The following WWOX variants were observed in gnomAD, a reference collection of about 807,000 sequenced individuals.
The protein encoded by WWOX is WW domain-containing oxidoreductase.
A neutral mutation model predicts 46.2 loss-of-function variants in WWOX; 69 were observed. That is an observed-to-expected ratio of 1.49 (90% CI 1.23 to 1.82). The LOEUF (loss-of-function observed/expected upper bound fraction) is 1.82. Ranked by LOEUF, WWOX falls within the 40% of genes most tolerant of loss-of-function variation. WWOX has a pLI of 0.00. For missense variants in WWOX, 919 were observed against 542.6 expected (o/e 1.69, Z -6.89); for synonymous variants, 359 against 202.6 (o/e 1.77, Z -6.56).
intron 8 of WWOX, among the ~76,000 whole-genome samples, chr16:78,932,951 G>T (rs968572596): frequency 3.9e-5 from 6 of 152,182 alleles, no homozygotes; most frequent in African/African-American, 1.4e-4. Context: ...CTGCCCTCTG[G>T]TTGAAACATC....
At chr16:78,430,136 A>G (rs902842996) in intron 7 of WWOX, among the ~76,000 whole-genome samples, 1 of 152,180 alleles carries the variant, frequency 6.6e-6, no homozygotes, top group Non-Finnish European at 1.5e-5. Context: ...GGGCAAAGGG[A>G]TGTCTTACAT....
chr16:79,013,185 C>T (rs545125974), intron 8 of WWOX, among the ~76,000 whole-genome samples: 36 of 152,318 alleles, frequency 2.4e-4, no homozygotes, highest in African/African-American at 8.4e-4. Context: ...ACCGCACAGC[C>T]CCAGGGCTTT....
At chr16:79,093,324 T>C (rs1422301899) in intron 8 of WWOX, among the ~76,000 whole-genome samples, 4 of 152,192 alleles carry the variant, frequency 2.6e-5, no homozygotes, top group East Asian at 1.9e-4. Context: ...GTTTAGGGGA[T>C]GAGACTCTAA....
At chr16:78,511,489 G>C (rs1403233756) in intron 8 of WWOX, among the ~76,000 whole-genome samples, 1 of 152,236 alleles carries the variant, frequency 6.6e-6, no homozygotes, top group Non-Finnish European at 1.5e-5. Flanking sequence ...CAGAGGGCAG[G>C]CCTGTTGCCC....
intron 8 of WWOX, among the ~76,000 whole-genome samples, chr16:78,918,794 C>T (rs1233045992): frequency 6.6e-6 from 1 of 152,130 alleles, no homozygotes; most frequent in Non-Finnish European, 1.5e-5. Context: ...TGTCTAAGCT[C>T]TATATTACAG....
chr16:78,153,010 G>A (rs2034469904), intron 4 of WWOX, among the ~76,000 whole-genome samples: 1 of 152,170 alleles, frequency 6.6e-6, no homozygotes. Context: ...TTAAAAAGCA[G>A]GGCTGGCTAT....
intron 8 of WWOX, among the ~76,000 whole-genome samples, chr16:78,490,238 C>T (rs1353462912): frequency 6.6e-6 from 1 of 152,014 alleles, no homozygotes; most frequent in Non-Finnish European, 1.5e-5. Context: ...TATATGGTCC[C>T]ATGATCATCA....
chr16:78,297,189 C>G (rs1469320343), intron 5 of WWOX, among the ~76,000 whole-genome samples: 1 of 152,148 alleles, frequency 6.6e-6, no homozygotes, highest in Non-Finnish European at 1.5e-5. Context: ...CTTTCCCTCC[C>G]ATCCAGATTG....
intron 8 of WWOX, among the ~76,000 whole-genome samples, chr16:78,686,339 G>A (rs746246568): frequency 2.6e-3 from 396 of 151,818 alleles, no homozygotes; most frequent in Non-Finnish European, 3.3e-3. Flanking sequence ...GTGAAACCCC[G>A]CCTCTACTAA....
At chr16:79,205,650 G>T (rs1407335502) in intron 8 of WWOX, 1 of 152,194 alleles carries the variant, frequency 6.6e-6, no homozygotes, top group Non-Finnish European at 1.5e-5. Flanking sequence ...AATAGCCTGT[G>T]AGTTAGCAAA....
chr16:78,409,260 A>G (rs763674644), intron 6 of WWOX, among the ~76,000 whole-genome samples: 7 of 152,154 alleles, frequency 4.6e-5, no homozygotes, highest in African/African-American at 9.7e-5. Flanking sequence ...AAAAGGGTGA[A>G]TTTCACTATG....
intron 8 of WWOX, among the ~76,000 whole-genome samples, chr16:78,742,280 G>T (rs1179186827): frequency 6.6e-6 from 1 of 152,170 alleles, no homozygotes; most frequent in Non-Finnish European, 1.5e-5. Flanking sequence ...GACCACTCAG[G>T]ACAGGGAAAA....
intron 8 of WWOX, among the ~76,000 whole-genome samples, chr16:78,856,726 C>A (rs1052168446): frequency 1.3e-5 from 2 of 152,180 alleles, no homozygotes; most frequent in Admixed American, 6.5e-5. Context: ...AATGTACTAT[C>A]TTATGAAATA....
intron 8 of WWOX, among the ~76,000 whole-genome samples, chr16:78,907,651 C>T (rs1310104882): frequency 6.6e-6 from 1 of 152,180 alleles, no homozygotes; most frequent in East Asian, 1.9e-4. Context: ...TTTTCTTACT[C>T]TTACAATTTT....
intron 5 of WWOX, among the ~76,000 whole-genome samples, chr16:78,198,127 T>C (rs2036114809): frequency 6.6e-6 from 1 of 152,088 alleles, no homozygotes; most frequent in African/African-American, 2.4e-5. Flanking sequence ...GCTCCAGGTC[T>C]CCAGTCTGAG....
At chr16:78,250,487 G>A (rs1023908116) in intron 5 of WWOX, among the ~76,000 whole-genome samples, 1 of 152,074 alleles carries the variant, frequency 6.6e-6, no homozygotes, top group Non-Finnish European at 1.5e-5. Flanking sequence ...CCAACAGATA[G>A]AAACTATTGG....
At chr16:78,194,572 A>C (rs1252677022) in intron 5 of WWOX, among the ~76,000 whole-genome samples, 12 of 138,168 alleles carry the variant, frequency 8.7e-5, no homozygotes, top group African/African-American at 3.3e-4. Flanking sequence ...TGGGCGACAG[A>C]GTGAGACTCC....
Position 78,551,319 on chromosome 16 carries a change from G to T in WWOX, c.1056+118567G>T, listed in dbSNP as rs112971723. Reference sequence around the variant, plus strand: ...ATCTCGTCTTCCAAACTTTTGTGTAGCATTGTCTGAATTTTCCCAAGAAAG... The same window carrying T: ...ATCTCGTCTTCCAAACTTTTGTGTATCATTGTCTGAATTTTCCCAAGAAAG... On this transcript the variant is annotated intron_variant, in intron 8 of 8. Coordinates refer to ENST00000566780, the MANE Select transcript of WWOX (RefSeq NM_016373.4). The T allele has an allele frequency of 2.7e-4, 41 of 152,184 alleles. 1 individual carries two copies. The highest frequency in any genetic ancestry group is 9.6e-4 in the African/African-American group (40 of 41,534). The allele number at this position is 152,184 out of a possible 1,614,324, so 9.4% of individuals were successfully genotyped here.
At chr16:78,177,150 T>C (rs1309616997) in intron 5 of WWOX, among the ~76,000 whole-genome samples, 1 of 152,254 alleles carries the variant, frequency 6.6e-6, no homozygotes, top group African/African-American at 2.4e-5. Flanking sequence ...GCTTGCTTTT[T>C]CTTTTATAAA....
Sources: allele counts gnomAD v4.1 joint callset (sites outside exome capture counted in the v4.1 genomes callset), GRCh38; gene constraint gnomAD v4.1.1; transcripts MANE v1.5; gene names NCBI Gene and HGNC (gene_info 2026-07-23, HGNC 2026-07-21).